The following PTK2 variants were observed in gnomAD, a reference collection of about 807,000 sequenced individuals.
PTK2 encodes the protein protein tyrosine kinase 2.
PTK2 carries 45 observed loss-of-function variants against 150.1 expected under a neutral mutation model. That is an observed-to-expected ratio of 0.30 (90% CI 0.24 to 0.38). The LOEUF (loss-of-function observed/expected upper bound fraction) is 0.38, where lower values mean the gene tolerates loss of function less well. PTK2 is among the 10% of genes least tolerant of loss of function. PTK2 has a pLI of 1.00. For missense variants in PTK2, 919 were observed against 1,307.3 expected (o/e 0.70, Z 4.58); for synonymous variants, 432 against 449.2 (o/e 0.96, Z 0.48).
chr8:140,746,470 G>T, intron 18 of PTK2: 1 of 267,000 alleles, frequency 3.7e-6, no homozygotes, highest in Non-Finnish European at 7.0e-6. Flanking sequence ...TTTAGGCAAT[G>T]GCACCAGAGA....
chr8:140,874,168 A>C (rs2154606901), intron 4 of PTK2, among the ~76,000 whole-genome samples: 1 of 152,302 alleles, frequency 6.6e-6, no homozygotes, highest in Admixed American at 6.5e-5. Context: ...CATGACAAAG[A>C]GCTCTCTAAG....
chr8:140,732,921 G>A (rs1002564133), intron 22 of PTK2, among the ~76,000 whole-genome samples: 4 of 152,190 alleles, frequency 2.6e-5, no homozygotes, highest in Non-Finnish European at 4.4e-5. Flanking sequence ...GGGCTGACAG[G>A]AGGGTTAGTT....
At chr8:141,000,808 G>A (rs1302705144) in intron 1 of PTK2, 1 of 121,096 alleles carries the variant, frequency 8.3e-6, no homozygotes, top group Admixed American at 9.1e-5. Context: ...ACGTCCCTCA[G>A]CCTCCCAGTC....
At chr8:140,914,944 A>G (rs985176787) in intron 2 of PTK2, among the ~76,000 whole-genome samples, 2 of 149,196 alleles carry the variant, frequency 1.3e-5, no homozygotes, top group African/African-American at 2.5e-5. Flanking sequence ...GAGGCAGGAG[A>G]ATCGCTTGAA....
At chr8:140,723,401 T>C (rs1289982609) in intron 22 of PTK2, among the ~76,000 whole-genome samples, 1 of 152,176 alleles carries the variant, frequency 6.6e-6, no homozygotes, top group Non-Finnish European at 1.5e-5. Flanking sequence ...AACCATAATT[T>C]GCTGCTCAGA....
At position 140,824,788 on chromosome 8, in the gene PTK2, T is replaced by C. The variant is rs115169322; in HGVS notation, c.648+5684A>G. Among the ~76,000 whole-genome samples, 663 of 152,340 alleles carry C rather than the reference T, an allele frequency of 4.4e-3. 4 individuals are homozygous for C. The highest frequency in any genetic ancestry group is 0.015 in the African/African-American group (629 of 41,576). ...GTTTAAGTAAACAAGACTGTTCTCATTGCATTTCAAGTTTGAACACCTGCT... is the reference window on the plus strand; with the variant it reads ...GTTTAAGTAAACAAGACTGTTCTCACTGCATTTCAAGTTTGAACACCTGCT... On this transcript the variant is annotated intron_variant, in intron 8 of 31. Transcript: ENST00000522684.
At chr8:140,944,556 T>C (rs985087649) in intron 1 of PTK2, among the ~76,000 whole-genome samples, 3 of 152,242 alleles carry the variant, frequency 2.0e-5, no homozygotes, top group Non-Finnish European at 2.9e-5. Flanking sequence ...ACTGAGCTGC[T>C]GTAAAGAATT....
intron 8 of PTK2, among the ~76,000 whole-genome samples, chr8:140,827,905 G>A (rs1019451341): frequency 2.6e-5 from 4 of 152,224 alleles, no homozygotes; most frequent in South Asian, 4.1e-4. Flanking sequence ...AGTGGCTCAC[G>A]CCTGTAATCC....
At chr8:140,699,299 C>T (rs546186104) in intron 26 of PTK2, among the ~76,000 whole-genome samples, 1 of 152,230 alleles carries the variant, frequency 6.6e-6, no homozygotes, top group South Asian at 2.1e-4. Flanking sequence ...GAGGCAACTA[C>T]AGGAAGATTG....
rs574266493 is a variant in PTK2 at position 140,752,435 on chromosome 8, C to A, written c.1333-119G>T. The A allele has an allele frequency of 2.1e-4, 169 of 792,972 alleles. No homozygotes were observed. In the African/African-American group the frequency reaches 2.6e-3, roughly 12 times the overall value. 49.1% of individuals were successfully genotyped at this position (792,972 alleles called of 1,614,324 possible). A position where few individuals can be genotyped will look rare whatever the true frequency, so the allele number is the denominator to read the frequency against. Reference sequence around the variant, plus strand: ...GGTTATGGACCAGACAGAATCAGAACGGCAAAATCTCAAGAATGAGAGGGA... The same window carrying A: ...GGTTATGGACCAGACAGAATCAGAAAGGCAAAATCTCAAGAATGAGAGGGA... On this transcript the variant is annotated intron_variant, in intron 16 of 31. Coordinates refer to ENST00000522684, the Ensembl canonical transcript of PTK2.
exon 30 of PTK2, chr8:140,668,336 T>C: frequency 6.2e-7 from 1 of 1,614,124 alleles, no homozygotes; most frequent in Non-Finnish European, 8.5e-7. Context: ...GATGACAGCT[T>C]TCACCAGGCC....
intron 31 of PTK2, among the ~76,000 whole-genome samples, chr8:140,664,225 G>C (rs949082366): frequency 6.6e-6 from 1 of 152,146 alleles, no homozygotes; most frequent in African/African-American, 2.4e-5. Context: ...CTCGTGATCT[G>C]TCCGCCTCAG....
At chr8:140,879,148 TACACACACAC>T (rs888030125) in intron 4 of PTK2, 1 of 178,248 alleles carries the variant, frequency 5.6e-6, no homozygotes, top group African/African-American at 2.4e-5. Flanking sequence ...TATATATACA[TACACACACAC>T]ATATATATAT....
intron 2 of PTK2, chr8:140,920,995 A>G: frequency 7.7e-7 from 1 of 1,305,262 alleles, no homozygotes; most frequent in Non-Finnish European, 9.7e-7. Context: ...GCTTCGATCC[A>G]CAAGCAAGAC....
At chr8:140,734,556 C>A (rs921862023) in intron 22 of PTK2, 3 of 352,010 alleles carry the variant, frequency 8.5e-6, no homozygotes, top group Non-Finnish European at 1.7e-5. Context: ...GTAGAGTATG[C>A]ACATGCTTCT....
At chr8:140,944,471 G>C (rs1454045125) in intron 1 of PTK2, among the ~76,000 whole-genome samples, 1 of 152,166 alleles carries the variant, frequency 6.6e-6, no homozygotes, top group Non-Finnish European at 1.5e-5. Flanking sequence ...CTGCCACGAG[G>C]AATCTTGGAC....
chr8:140,942,958 ACT>A (rs151101812), intron 1 of PTK2, among the ~76,000 whole-genome samples: 2 of 151,324 alleles, frequency 1.3e-5, no homozygotes, highest in Non-Finnish European at 2.9e-5. Flanking sequence ...GGCACCTCCC[ACT>A]CTCTCTCTTG....
intron 16 of PTK2, among the ~76,000 whole-genome samples, chr8:140,753,699 A>G (rs768095926): frequency 6.6e-6 from 1 of 152,086 alleles, no homozygotes; most frequent in Non-Finnish European, 1.5e-5. Context: ...CTTTCACATT[A>G]TATCATTTTA....
intron 1 of PTK2, among the ~76,000 whole-genome samples, chr8:140,950,336 C>A (rs2100179154): frequency 6.6e-6 from 1 of 152,246 alleles, no homozygotes; most frequent in South Asian, 2.1e-4. Context: ...CATCTCCACT[C>A]TTCTGGGCGC....
Sources: allele counts gnomAD v4.1 joint callset (sites outside exome capture counted in the v4.1 genomes callset), GRCh38; gene constraint gnomAD v4.1.1; transcripts MANE v1.5; gene names NCBI Gene and HGNC (gene_info 2026-07-23, HGNC 2026-07-21).